Variants in IMPG1 observed in about 807,000 individuals in gnomAD.
IMPG1 encodes the protein interphotoreceptor matrix proteoglycan of 150 kDa.
A neutral mutation model predicts 92.0 loss-of-function variants in IMPG1; 85 were observed. That is an observed-to-expected ratio of 0.92 (90% CI 0.78 to 1.11). IMPG1 has a LOEUF of 1.11. IMPG1 is among the 50% of genes least tolerant of loss of function. The probability of loss-of-function intolerance (pLI) is 0.00; values close to 1 mark genes in which losing one functional copy is unlikely to be tolerated. For missense variants in IMPG1, 1,022 were observed against 956.0 expected (o/e 1.07, Z -0.91); for synonymous variants, 367 against 334.1 (o/e 1.10, Z -1.08).
At chr6:76,038,067 C>T (rs1414271054) in intron 2 of IMPG1, among the ~76,000 whole-genome samples, 1 of 152,198 alleles carries the variant, frequency 6.6e-6, no homozygotes, top group East Asian at 1.9e-4. Context: ...TACAGAAGTT[C>T]ATTTTCCTGG....
intron 1 of IMPG1, among the ~76,000 whole-genome samples, chr6:76,057,933 G>A (rs1310183823): frequency 6.6e-6 from 1 of 151,794 alleles, no homozygotes; most frequent in Admixed American, 6.6e-5. Flanking sequence ...CATTTAGATT[G>A]TTTCTATCTT....
intron 12 of IMPG1, among the ~76,000 whole-genome samples, chr6:75,967,658 C>G (rs1402277861): frequency 6.6e-6 from 1 of 151,942 alleles, no homozygotes; most frequent in African/African-American, 2.4e-5. Flanking sequence ...AGGATTAAAA[C>G]AAAGGAAAGC....
chr6:76,004,815 T>C (rs1469678106), intron 10 of IMPG1, among the ~76,000 whole-genome samples: 1 of 152,204 alleles, frequency 6.6e-6, no homozygotes, highest in Non-Finnish European at 1.5e-5. Context: ...GTAATGAGGC[T>C]TGCTGCTTCT....
chr6:76,039,907 T>C (rs1195246600), intron 2 of IMPG1, among the ~76,000 whole-genome samples: 1 of 152,244 alleles, frequency 6.6e-6, no homozygotes, highest in Non-Finnish European at 1.5e-5. Context: ...CCCTGGGAAA[T>C]GAAATAATTC....
At chr6:75,999,656 G>C (rs926018224) in intron 12 of IMPG1, among the ~76,000 whole-genome samples, 2 of 152,020 alleles carry the variant, frequency 1.3e-5, no homozygotes, top group Non-Finnish European at 2.9e-5. Context: ...TTTTCATTAA[G>C]ATATGTCATT....
chr6:75,971,369 G>A (rs113221831), intron 12 of IMPG1, among the ~76,000 whole-genome samples: 25,770 of 150,588 alleles, frequency 0.17, 2,669 homozygotes, highest in Admixed American at 0.27. Context: ...CCTAATGCTA[G>A]ATGACGAGTT....
In IMPG1 at chr6:76,028,936, C is replaced by T. The variant is rs183180024; in HGVS notation, c.498-3678G>A. Among the ~76,000 whole-genome samples, 63 of 152,332 alleles carry T rather than the reference C, an allele frequency of 4.1e-4. No homozygotes were observed. In the East Asian group the frequency reaches 8.3e-3, roughly 20 times the overall value. On this transcript the variant is annotated intron_variant, in intron 4 of 16. Transcript: ENST00000369950. ...ACTATCTGTGAGTATTCTTAACTTA[C>T]GGCAATATAGTTGTTTGCATCAGTG...
intron 12 of IMPG1, 110 bp from the exon 13 acceptor site, chr6:75,951,204 G>T: frequency 2.6e-6 from 2 of 773,150 alleles, no homozygotes; most frequent in South Asian, 1.9e-5. Flanking sequence ...TAGCATTTGC[G>T]TAGATCATTT....
rs552394780 is a variant in IMPG1, at chr6:76,040,971, G to T, written c.301+922C>A. 1.2e-4 allele frequency among the ~76,000 whole-genome samples: 19 copies of T among 152,206 alleles called. 1 individual carries two copies. In the South Asian group the frequency reaches 3.7e-3, roughly 30 times the overall value. ...GATGGGCTTTAAATAAAGCAGGGTG[G>T]CTCTGCTTTTTGCAATGGAAGCAAA... On this transcript the variant is annotated intron_variant, in intron 2 of 16. Transcript: ENST00000369950.
intron 1 of IMPG1, among the ~76,000 whole-genome samples, chr6:76,062,154 A>C (rs1344732306): frequency 6.6e-6 from 1 of 152,190 alleles, no homozygotes; most frequent in Non-Finnish European, 1.5e-5. Flanking sequence ...GGCAATATGA[A>C]TCAAATACCA....
At chr6:75,974,266 CTCTTTCTTTCTCTCTCT>C (rs1239620479) in intron 12 of IMPG1, among the ~76,000 whole-genome samples, 2 of 151,432 alleles carry the variant, frequency 1.3e-5, no homozygotes, top group Non-Finnish European at 2.9e-5. Context: ...TTCTTTCTCT[CTCTTTCTTTCTCTCTCT>C]TCTTTCTTTC....
rs148001109 is a variant in IMPG1 at position 76,059,357 on chromosome 6, A to T, written c.67+13065T>A. Among the ~76,000 whole-genome samples, 1,104 of 152,210 alleles carry T rather than the reference A, an allele frequency of 7.3e-3. 12 individuals are homozygous for T. The highest frequency in any genetic ancestry group is 0.025 in the African/African-American group (1,034 of 41,542). ...TTTGGTCATGGGCATTTAAAATGAC[A>T]CTATCAATAAACAACTCCAGTTCTT... On this transcript the variant is annotated intron_variant, in intron 1 of 16. Coordinates refer to ENST00000369950, the MANE Select transcript of IMPG1 (RefSeq NM_001563.4).
chr6:75,929,586 TATAC>T (rs1299669331), intron 15 of IMPG1, among the ~76,000 whole-genome samples: 1 of 149,332 alleles, frequency 6.7e-6, no homozygotes, highest in Non-Finnish European at 1.5e-5. Flanking sequence ...CATTAGGAGA[TATAC>T]CTAATGCTAA....
At chr6:75,998,939 C>A (rs963463042) in intron 12 of IMPG1, among the ~76,000 whole-genome samples, 5 of 152,108 alleles carry the variant, frequency 3.3e-5, no homozygotes, top group Admixed American at 3.3e-4. Context: ...TCACTGCAAC[C>A]TCTGCCTCCC....
intron 2 of IMPG1, among the ~76,000 whole-genome samples, chr6:76,036,464 T>C (rs1321009452): frequency 6.6e-6 from 1 of 152,214 alleles, no homozygotes; most frequent in Admixed American, 6.5e-5. Context: ...ACTAAAACTA[T>C]ATGTGTTTAG....
Position 75,950,715 on chromosome 6 carries a change from C to T in IMPG1, c.1671G>A (p.Gln557=), listed in dbSNP as rs780868773. ...LEDTTPVSAL[Q]YITTSSMTIA... is the part of the protein sequence containing the mutation. Reference sequence around the variant, plus strand: ...TGGTCATAGAACTAGTGGTGATATACTGTAAAGCTGAGACAGGAGTGGTAT... The same window carrying T: ...TGGTCATAGAACTAGTGGTGATATATTGTAAAGCTGAGACAGGAGTGGTAT... The change falls in exon 13 of 17, where the codon CAG becomes CAA. Residue 557 remains glutamine (Q), a synonymous_variant. Coordinates refer to ENST00000369950, the MANE Select transcript of IMPG1 (RefSeq NM_001563.4). 7.4e-6 allele frequency: 12 copies of T among 1,613,874 alleles called. No individual in the cohort carries two copies. The highest frequency in any genetic ancestry group is 2.2e-5 in the East Asian group (1 of 44,900).
At chr6:76,051,256 C>T (rs1784038650) in intron 1 of IMPG1, among the ~76,000 whole-genome samples, 1 of 152,200 alleles carries the variant, frequency 6.6e-6, no homozygotes, top group African/African-American at 2.4e-5. Flanking sequence ...CTCAATTACA[C>T]ACCTGAGAAA....
At chr6:76,006,627 ATAAG>A (rs561926523) in intron 9 of IMPG1, among the ~76,000 whole-genome samples, 122 of 151,806 alleles carry the variant, frequency 8.0e-4, no homozygotes, top group African/African-American at 2.8e-3. Flanking sequence ...CTTTTTTAAA[ATAAG>A]TATTTTTTAA....
chr6:75,981,334 C>T (rs190878219), intron 12 of IMPG1, among the ~76,000 whole-genome samples: 3 of 152,182 alleles, frequency 2.0e-5, no homozygotes, highest in Admixed American at 6.5e-5. Flanking sequence ...CTTTGAACTC[C>T]GATGAGTAAA....
Sources: allele counts gnomAD v4.1 joint callset (sites outside exome capture counted in the v4.1 genomes callset), GRCh38; gene constraint gnomAD v4.1.1; transcripts MANE v1.5; gene names NCBI Gene and HGNC (gene_info 2026-07-23, HGNC 2026-07-21).